Variants in APBA2 observed in about 807,000 individuals in gnomAD.
The protein encoded by APBA2 is amyloid beta precursor protein binding family A member 2.
In APBA2, 30 loss-of-function variants were observed where a neutral mutation model predicts 75.0. That is an observed-to-expected ratio of 0.40 (90% CI 0.30 to 0.54). The LOEUF is 0.54. APBA2 is among the 20% of genes least tolerant of loss of function. The pLI is 0.49. For synonymous variants in APBA2, 444 were observed against 409.6 expected, an observed-to-expected ratio of 1.08 and a Z score of -1.01; for missense variants, 801 against 1,016.1, an observed-to-expected ratio of 0.79 and a Z score of 2.88.
At chr15:29,072,760 G>A (rs1326530123) in intron 4 of APBA2, among the ~76,000 whole-genome samples, 1 of 152,154 alleles carries the variant, frequency 6.6e-6, no homozygotes, top group African/African-American at 2.4e-5. Flanking sequence ...AGGACAGCAG[G>A]GTGTGGTCTG....
Position 29,054,667 on chromosome 15 carries a change from T to C in APBA2, c.783T>C (p.Ser261=). The change falls in exon 4 of 15, where the codon TCT becomes TCC. Residue 261 remains serine (S), a synonymous_variant. Transcript: ENST00000683413. The surrounding 1 kb of genome is among the most constrained non-coding windows in gnomAD (Gnocchi z 6.1). ...EHGPEPGPED[S]VEACPPIKAS... ...GGCCTGAGCCAGGGCCTGAGGACTC[T>C]GTAGAGGCCTGCCCACCCATCAAGG... is the stretch of plus-strand genomic sequence containing the variant. The C allele has an allele frequency of 6.2e-7, 1 of 1,614,044 alleles. No homozygotes were observed. The highest frequency in any genetic ancestry group is 8.5e-7 in the Non-Finnish European group (1 of 1,180,016).
Position 29,117,505 on chromosome 15 carries a change from G to C in APBA2, c.*372G>C, listed in dbSNP as rs1006801551. The C allele has an allele frequency of 3.5e-6, 1 of 289,226 alleles. No homozygotes were observed. The highest frequency in any genetic ancestry group is 2.2e-5 in the African/African-American group (1 of 45,284). The allele number at this position is 289,226 out of a possible 1,614,324, so 17.9% of individuals were successfully genotyped here. ...GCGCCTCCGAGGGACGCGGCTCCCG[G>C]GGCAGGGCAGCCGTCACCCCTGCCT... On this transcript the variant is annotated 3_prime_UTR_variant, in exon 15 of 15. Transcript: ENST00000683413.
intron 9 of APBA2, among the ~76,000 whole-genome samples, chr15:29,098,989 C>T (rs1235823188): frequency 2.0e-5 from 3 of 152,186 alleles, no homozygotes; most frequent in African/African-American, 7.2e-5. Context: ...CGCCCTTCCT[C>T]ATCCCATGTC....
intron 1 of APBA2, among the ~76,000 whole-genome samples, chr15:28,916,314 C>T (rs1312936011): frequency 6.6e-6 from 1 of 152,224 alleles, no homozygotes; most frequent in Non-Finnish European, 1.5e-5. Flanking sequence ...CCTCCCCTTG[C>T]AGTCTACCCT....
chr15:29,063,690 G>A lies in APBA2; in HGVS notation c.951+8855G>A, dbSNP rs530981038. On this transcript the variant is annotated intron_variant, in intron 4 of 14. Transcript: ENST00000683413. ...GGGTCAGTGTCTGTATGGATGGTGCGGGGCATGGAGTGCTTGTGCAGATGA... is the reference window on the plus strand; with the variant it reads ...GGGTCAGTGTCTGTATGGATGGTGCAGGGCATGGAGTGCTTGTGCAGATGA... 2.0e-4 allele frequency among the ~76,000 whole-genome samples: 30 copies of A among 151,870 alleles called. 1 individual carries two copies. The South Asian group carries it at 5.2e-3, about 26-fold the overall frequency.
At chr15:28,974,557 G>T (rs1470515911) in intron 2 of APBA2, among the ~76,000 whole-genome samples, 2 of 152,144 alleles carry the variant, frequency 1.3e-5, no homozygotes, top group East Asian at 3.8e-4. Flanking sequence ...ACCTCAATGA[G>T]TTCCGTAACA....
chr15:29,042,278 G>A (rs528643752), intron 3 of APBA2, among the ~76,000 whole-genome samples: 6 of 151,774 alleles, frequency 4.0e-5, no homozygotes, highest in African/African-American at 7.3e-5. Flanking sequence ...TCTCTCTCTC[G>A]CTGTCTCTTC....
At chr15:28,941,856 A>G (rs1037587133) in intron 2 of APBA2, among the ~76,000 whole-genome samples, 1 of 152,224 alleles carries the variant, frequency 6.6e-6, no homozygotes, top group African/African-American at 2.4e-5. Flanking sequence ...TCCCGGGTTC[A>G]CACCATTCTC....
chr15:28,937,221 G>A (rs1388800245), intron 2 of APBA2, among the ~76,000 whole-genome samples: 1 of 151,890 alleles, frequency 6.6e-6, no homozygotes, highest in Non-Finnish European at 1.5e-5. Flanking sequence ...ACAGTGGCAT[G>A]CTGAGCTAGG....
chr15:28,901,094 A>T (rs1036371036), intron 1 of APBA2, among the ~76,000 whole-genome samples: 11 of 152,056 alleles, frequency 7.2e-5, no homozygotes. Context: ...ATTTCCAGGG[A>T]TGTGCGTGAA....
chr15:29,044,197 T>C (rs925157280), intron 3 of APBA2: 1 of 152,200 alleles, frequency 6.6e-6, no homozygotes, highest in African/African-American at 2.4e-5. Flanking sequence ...CTAGCTCTTC[T>C]AAGCACCAGC....
intron 4 of APBA2, chr15:29,070,940 G>A (rs1357851002): frequency 1.3e-5 from 5 of 389,164 alleles, no homozygotes; most frequent in African/African-American, 2.1e-5. Flanking sequence ...CTCTGTCACA[G>A]GGTTACGTTT....
chr15:29,025,711 C>T (rs987883724), intron 3 of APBA2, among the ~76,000 whole-genome samples: 19 of 151,660 alleles, frequency 1.3e-4, no homozygotes, highest in African/African-American at 3.4e-4. Flanking sequence ...CAGCAATTTG[C>T]GAGGCCGAGG....
chr15:28,960,492 T>C (rs2036409722), intron 2 of APBA2, among the ~76,000 whole-genome samples: 1 of 151,708 alleles, frequency 6.6e-6, no homozygotes, highest in African/African-American at 2.4e-5. Flanking sequence ...CTTTGAATTC[T>C]CATAATCATA....
chr15:28,903,260 T>A (rs1342354742), intron 1 of APBA2, among the ~76,000 whole-genome samples: 1 of 152,140 alleles, frequency 6.6e-6, no homozygotes, highest in African/African-American at 2.4e-5. Context: ...AGAGGCCATG[T>A]TTTTTTGGGG....
chr15:29,116,365 G>A (rs1268690467), intron 14 of APBA2, among the ~76,000 whole-genome samples: 8 of 152,024 alleles, frequency 5.3e-5, no homozygotes, highest in Non-Finnish European at 7.4e-5. Context: ...GGTGGCTCAG[G>A]CCTGTAATCC....
intron 2 of APBA2, among the ~76,000 whole-genome samples, chr15:28,980,275 A>G (rs1209047526): frequency 6.6e-6 from 1 of 152,218 alleles, no homozygotes; most frequent in Non-Finnish European, 1.5e-5. Flanking sequence ...CATCCAAATA[A>G]GAAAAGAAGC....
chr15:28,972,954 A>G (rs1393479782), intron 2 of APBA2, among the ~76,000 whole-genome samples: 3 of 152,204 alleles, frequency 2.0e-5, no homozygotes, highest in Admixed American at 6.5e-5. Flanking sequence ...GTAAACCTCA[A>G]ATTAGCATAT....
intron 2 of APBA2, among the ~76,000 whole-genome samples, chr15:28,923,960 G>A (rs2034117333): frequency 6.6e-6 from 1 of 152,218 alleles, no homozygotes; most frequent in Non-Finnish European, 1.5e-5. Flanking sequence ...CTCATTCTTT[G>A]TTGGTTTTGA....
Sources: allele counts gnomAD v4.1 joint callset (sites outside exome capture counted in the v4.1 genomes callset), GRCh38; gene constraint gnomAD v4.1.1; non-coding constraint Gnocchi (gnomAD v3.1); transcripts MANE v1.5; gene names NCBI Gene and HGNC (gene_info 2026-07-23, HGNC 2026-07-21).